Variants in TMEM232 observed in about 807,000 individuals in gnomAD.
The protein encoded by TMEM232 is transmembrane protein 232.
A neutral mutation model predicts 78.8 loss-of-function variants in TMEM232; 80 were observed. The ratio of observed to expected loss-of-function variants is 1.01; its 90% confidence interval spans 0.85 to 1.22. The LOEUF is 1.22. Ranked by LOEUF, TMEM232 falls within the 50% of genes most tolerant of loss-of-function variation. The pLI is 0.00. For missense variants in TMEM232, 881 were observed against 742.2 expected (o/e 1.19, Z -2.17); for synonymous variants, 297 against 254.3 (o/e 1.17, Z -1.60).
chr5:110,704,136 C>T (rs1795695401), intron 1 of TMEM232, among the ~76,000 whole-genome samples: 1 of 152,068 alleles, frequency 6.6e-6, no homozygotes, highest in Admixed American at 6.6e-5. Context: ...CAGTGCACTG[C>T]TGAGCAATAA....
At chr5:110,599,688 A>G (rs1034274100) in intron 10 of TMEM232, among the ~76,000 whole-genome samples, 1 of 152,166 alleles carries the variant, frequency 6.6e-6, no homozygotes, top group African/African-American at 2.4e-5. Flanking sequence ...ACACCTACAA[A>G]GAGATATAGA....
In TMEM232 at chr5:110,420,708, C is replaced by G; in HGVS notation, c.1846G>C (p.Ala616Pro). The change falls in exon 14 of 14, where the codon GCC (alanine) becomes CCC (proline). Residue 616 changes from alanine (A) to proline (P), a missense_variant. Transcript: ENST00000455884. ...IREKEDAICKAQELKDKKLAE... is the reference protein window; with the variant it reads ...IREKEDAICKPQELKDKKLAE... ...AACTTTTTATCTTTAAGTTCTTGGG[C>G]CTTGCATATTGCATCTTCTTTTTCT... The G allele has an allele frequency of 6.6e-7, 1 of 1,526,250 alleles. No homozygotes were observed. The highest frequency in any genetic ancestry group is 1.7e-4 in the Middle Eastern group (1 of 5,960). The allele number at this position is 1,526,250 out of a possible 1,614,324, so 94.5% of individuals were successfully genotyped here.
At chr5:110,724,236 T>C (rs1797944544) in intron 1 of TMEM232, among the ~76,000 whole-genome samples, 1 of 152,110 alleles carries the variant, frequency 6.6e-6, no homozygotes, top group African/African-American at 2.4e-5. Flanking sequence ...AGAATACCCT[T>C]CTCTTCATAT....
chr5:110,730,903 A>C (rs1202761447), upstream of TMEM232, among the ~76,000 whole-genome samples: 1 of 152,088 alleles, frequency 6.6e-6, no homozygotes, highest in Non-Finnish European at 1.5e-5. Context: ...CAGTACCCTA[A>C]AGTCTTAACT....
At chr5:110,514,346 G>A (rs1288835762) in intron 12 of TMEM232, among the ~76,000 whole-genome samples, 5 of 151,690 alleles carry the variant, frequency 3.3e-5, no homozygotes, top group Non-Finnish European at 7.4e-5. Context: ...TTAAAAAAAA[G>A]CACAAAAATG....
Position 110,528,698 on chromosome 5 carries a change from A to C in TMEM232, c.1593T>G (p.Ile531Met). 1 of 1,535,208 alleles carries C rather than the reference A, an allele frequency of 6.5e-7. No individual in the cohort carries two copies. The highest frequency in any genetic ancestry group is 8.7e-7 in the Non-Finnish European group (1 of 1,146,446). Residue 531 changes from isoleucine (I) to methionine (M), a missense_variant, in exon 12 of 14, where the codon ATT becomes ATG. Transcript: ENST00000455884. ...NTLSKLFFPP[I>M]EAHFLPLKKP... is the part of the protein sequence containing the mutation. ...TCTTCAAAGGAAGAAAATGGGCCTC[A>C]ATGGGGGGAAAGAATAGTTTGGAAA...
At chr5:110,397,615 T>A (rs544196835) in intron 3 of TMEM232, among the ~76,000 whole-genome samples, 11 of 152,156 alleles carry the variant, frequency 7.2e-5, no homozygotes, top group African/African-American at 2.2e-4. Flanking sequence ...AATAACCACA[T>A]TTAACACAAT....
intron 12 of TMEM232, among the ~76,000 whole-genome samples, chr5:110,431,973 G>A (rs1023241935): frequency 7.9e-5 from 12 of 151,508 alleles, no homozygotes; most frequent in African/African-American, 2.7e-4. Flanking sequence ...GATAAATTTT[G>A]GTAGCTTTAT....
intron 1 of TMEM232, among the ~76,000 whole-genome samples, chr5:110,725,394 T>C (rs1188718542): frequency 6.6e-6 from 1 of 152,150 alleles, no homozygotes; most frequent in Non-Finnish European, 1.5e-5. Flanking sequence ...TTTTGGAAAA[T>C]GTTAAGCATT....
At chr5:110,488,120 G>C (rs1764665973) in intron 12 of TMEM232, among the ~76,000 whole-genome samples, 3 of 152,004 alleles carry the variant, frequency 2.0e-5, no homozygotes, top group South Asian at 4.1e-4. Flanking sequence ...ATATCTTCTA[G>C]TTTTTCTAGT....
intron 12 of TMEM232, among the ~76,000 whole-genome samples, chr5:110,494,311 G>A (rs1346638766): frequency 6.6e-6 from 1 of 151,938 alleles, no homozygotes; most frequent in Non-Finnish European, 1.5e-5. Context: ...ATGTGCAAAT[G>A]AAAAGAATAG....
chr5:110,414,445 C>G (rs912152486), intron 2 of TMEM232, among the ~76,000 whole-genome samples: 1 of 151,280 alleles, frequency 6.6e-6, no homozygotes, highest in Non-Finnish European at 1.5e-5. Context: ...AATTCTATCT[C>G]TATCTATATG....
chr5:110,440,206 A>T (rs1758879082), intron 12 of TMEM232, among the ~76,000 whole-genome samples: 1 of 152,146 alleles, frequency 6.6e-6, no homozygotes, highest in Non-Finnish European at 1.5e-5. Flanking sequence ...CCTTTAAGAG[A>T]TAAGGTTGGT....
intron 12 of TMEM232, among the ~76,000 whole-genome samples, chr5:110,524,890 T>A (rs774682411): frequency 1.1e-4 from 16 of 152,126 alleles, no homozygotes; most frequent in Non-Finnish European, 1.9e-4. Context: ...TATCATTATA[T>A]AATGATCTCT....
intron 4 of TMEM232, among the ~76,000 whole-genome samples, chr5:110,640,407 A>ATT (rs139206838): frequency 1.3e-5 from 2 of 150,082 alleles, no homozygotes; most frequent in African/African-American, 4.9e-5. Flanking sequence ...ACGTTGTTTA[A>ATT]TTTTTTTTTT....
intron 11 of TMEM232, among the ~76,000 whole-genome samples, chr5:110,537,094 T>G (rs1361778759): frequency 6.6e-6 from 1 of 151,896 alleles, no homozygotes; most frequent in East Asian, 1.9e-4. Flanking sequence ...ATCACTCGGG[T>G]CACTTGATAA....
At chr5:110,587,010 A>C (rs1272777119) in intron 10 of TMEM232, among the ~76,000 whole-genome samples, 2 of 152,172 alleles carry the variant, frequency 1.3e-5, no homozygotes, top group African/African-American at 2.4e-5. Context: ...CAGTGGGAAA[A>C]TCGCAAGTTA....
chr5:110,500,692 GA>G, intron 12 of TMEM232, among the ~76,000 whole-genome samples: 1 of 152,014 alleles, frequency 6.6e-6, no homozygotes, highest in South Asian at 2.1e-4. Context: ...TAATATAAGG[GA>G]AAAAAGCAAT....
intron 12 of TMEM232, among the ~76,000 whole-genome samples, chr5:110,478,881 G>A (rs960744480): frequency 6.8e-6 from 1 of 148,048 alleles, no homozygotes; most frequent in Non-Finnish European, 1.5e-5. Context: ...TTGATTATGA[G>A]CAGATGGAGA....
Sources: gnomAD v4.1 joint callset for allele counts (sites outside exome capture counted in the v4.1 genomes callset) on GRCh38, gnomAD v4.1.1 for gene constraint, MANE v1.5 for transcripts, NCBI Gene and HGNC (gene_info 2026-07-23, HGNC 2026-07-21) for gene names.